The following UBE2E2 variants were observed in gnomAD, a reference collection of about 807,000 sequenced individuals.
UBE2E2 encodes ubiquitin conjugating enzyme E2 E2, also known as ubiquitin-conjugating enzyme E2 E2.
UBE2E2 carries 6 observed loss-of-function variants against 24.7 expected under a neutral mutation model. The observed-to-expected ratio is 0.24, with a 90% CI of 0.13 to 0.48. The LOEUF is 0.48. UBE2E2 is among the 20% of genes least tolerant of loss of function. UBE2E2 has a pLI of 0.99. For synonymous variants in UBE2E2, 104 were observed against 83.6 expected, an observed-to-expected ratio of 1.24 and a Z score of -1.33; for missense variants, 169 against 245.0, an observed-to-expected ratio of 0.69 and a Z score of 2.07.
Position 23,524,118 on chromosome 3 carries a change from T to C in UBE2E2, c.361-8436T>C, listed in dbSNP as rs568525881. 2.6e-5 allele frequency among the ~76,000 whole-genome samples: 4 copies of C among 152,328 alleles called. No individual in the cohort carries two copies. In the East Asian group the frequency reaches 7.7e-4, roughly 29 times the overall value. On this transcript the variant is annotated intron_variant, in intron 4 of 5. Transcript: ENST00000396703. ...TCATTGAAAAATTATTTTAAATTGT[T>C]ATTTTGAATGTTATTATCAGAATTA...
At chr3:23,248,961 T>C (rs1697496672) in intron 3 of UBE2E2, among the ~76,000 whole-genome samples, 1 of 152,214 alleles carries the variant, frequency 6.6e-6, no homozygotes, top group Admixed American at 6.5e-5. Flanking sequence ...AATTTTTGCC[T>C]TTTGCAACTA....
chr3:23,571,088 G>A (rs932872052), intron 5 of UBE2E2, among the ~76,000 whole-genome samples: 4 of 151,878 alleles, frequency 2.6e-5, no homozygotes, highest in Non-Finnish European at 5.9e-5. Context: ...TAAGAGCATA[G>A]AGGGTAATAG....
At position 23,407,639 on chromosome 3, in the gene UBE2E2, A is replaced by G. The variant is rs778464; in HGVS notation, c.228-91969A>G. Among the ~76,000 whole-genome samples the G allele has an allele frequency of 0.63, 90,599 of 144,004 alleles. 27,858 individuals are homozygous for G. Among genetic ancestry groups the G allele is most frequent in the African/African-American group, 0.75 (28,199 of 37,590 alleles). The allele number at this position is 144,004 out of a possible 152,430, so 94.5% of individuals were successfully genotyped here. A position where few individuals can be genotyped will look rare whatever the true frequency, so the allele number is the denominator to read the frequency against. On this transcript the variant is annotated intron_variant, in intron 3 of 5. Transcript: ENST00000396703. This position sits in a 1 kb window ranked among gnomAD's most constrained non-coding sequence, Gnocchi z 4.0. The stretch of plus-strand genomic sequence containing the variant: ...TGCATGTGTGTGTGTTTGTGTGTGC[A>G]TGCGTGCATGTGTGTGTGTGTGTGT...
chr3:23,522,385 GC>G (rs1439579097), intron 4 of UBE2E2, among the ~76,000 whole-genome samples: 1 of 152,152 alleles, frequency 6.6e-6, no homozygotes, highest in East Asian at 1.9e-4. Context: ...GCCCGCCTCG[GC>G]CTTCCAAAGT....
At chr3:23,224,156 G>GTTTTTTTT (rs531661466) in intron 3 of UBE2E2, among the ~76,000 whole-genome samples, 5 of 93,718 alleles carry the variant, frequency 5.3e-5, no homozygotes, top group Admixed American at 1.4e-4. Context: ...TAAATTTTAG[G>GTTTTTTTT]TTTTTTTTTT....
chr3:23,352,354 C>G (rs13319402), intron 3 of UBE2E2, among the ~76,000 whole-genome samples: 40,117 of 151,678 alleles, frequency 0.26, 5,443 homozygotes, highest in East Asian at 0.3. Flanking sequence ...ACATTCAAAA[C>G]CTAGCAGAAG....
In UBE2E2 at chr3:23,380,137, TA is replaced by T. The variant is rs546553897; in HGVS notation, c.228-119463del. On this transcript the variant is annotated intron_variant, in intron 3 of 5. Coordinates refer to ENST00000396703, the MANE Select transcript of UBE2E2 (RefSeq NM_152653.4). ...ATTGCGAACTTCTCTATTGGAAATT[TA>T]AAAAAAATCATTTTGTTGAAATTGC... Among the ~76,000 whole-genome samples, 1,257 of 150,438 alleles carry T rather than the reference TA, an allele frequency of 8.4e-3. 16 individuals are homozygous for T. The highest frequency in any genetic ancestry group is 0.028 in the African/African-American group (1,151 of 41,002).
At chr3:23,380,504 G>A (rs1046397780) in intron 3 of UBE2E2, among the ~76,000 whole-genome samples, 2 of 152,164 alleles carry the variant, frequency 1.3e-5, no homozygotes, top group African/African-American at 2.4e-5. Flanking sequence ...GATTATAGAC[G>A]TGAGCCACCG....
chr3:23,472,653 CT>C (rs572862770), intron 3 of UBE2E2, among the ~76,000 whole-genome samples: 447 of 143,296 alleles, frequency 3.1e-3, no homozygotes, highest in Admixed American at 3.7e-3. Flanking sequence ...ATCTGTAACA[CT>C]TTTTTTTTTT....
At chr3:23,217,501 T>C (rs544753451) in intron 3 of UBE2E2, among the ~76,000 whole-genome samples, 189 bp downstream of exon 3, 2 of 152,236 alleles carry the variant, frequency 1.3e-5, no homozygotes, top group Admixed American at 1.3e-4. Context: ...TCAGCAAGTA[T>C]GTTTGTAGTG....
At chr3:23,470,983 A>G (rs567442308) in intron 3 of UBE2E2, among the ~76,000 whole-genome samples, 1 of 152,272 alleles carries the variant, frequency 6.6e-6, no homozygotes, top group South Asian at 2.1e-4. Context: ...CTTTCTTCAC[A>G]CAAAAATATT....
In UBE2E2 at chr3:23,297,946, A is replaced by G. The variant is rs1174687493; in HGVS notation, c.227+80634A>G. Among the ~76,000 whole-genome samples the G allele has an allele frequency of 2.6e-5, 4 of 151,666 alleles. No individual in the cohort carries two copies. In the East Asian group the frequency reaches 7.8e-4, roughly 29 times the overall value. On this transcript the variant is annotated intron_variant, in intron 3 of 5. Transcript: ENST00000396703. ...ATGGAATGTTCTTCCATTTCTTTGT[A>G]TCCTCTTTTATTTCCTTGAGCAGTG...
At chr3:23,476,219 T>A (rs989641995) in intron 3 of UBE2E2, among the ~76,000 whole-genome samples, 1 of 152,026 alleles carries the variant, frequency 6.6e-6, no homozygotes, top group East Asian at 1.9e-4. Context: ...TGTCTCTGAG[T>A]GTTTGTGGCC....
intron 2 of UBE2E2, among the ~76,000 whole-genome samples, chr3:23,209,881 G>A (rs923996): frequency 0.23 from 35,358 of 151,956 alleles, 4,448 homozygotes; most frequent in Non-Finnish European, 0.29. Flanking sequence ...TTTCCCTTTC[G>A]TGGGGGTGTA....
intron 3 of UBE2E2, among the ~76,000 whole-genome samples, chr3:23,273,106 C>T (rs1201551069): frequency 6.6e-6 from 1 of 152,206 alleles, no homozygotes; most frequent in African/African-American, 2.4e-5. Context: ...TGTCTGGACA[C>T]TTTGTGCCCC....
At chr3:23,480,627 C>T (rs1379145630) in intron 3 of UBE2E2, among the ~76,000 whole-genome samples, 3 of 113,818 alleles carry the variant, frequency 2.6e-5, no homozygotes, top group Non-Finnish European at 5.4e-5. Flanking sequence ...GACCTTGTCT[C>T]AGGAAAAAAA....
chr3:23,480,457 G>T (rs1362469818), intron 3 of UBE2E2, among the ~76,000 whole-genome samples: 1 of 152,130 alleles, frequency 6.6e-6, no homozygotes, highest in Admixed American at 6.5e-5. Flanking sequence ...AGCAGCACAG[G>T]GCTCCTGCCC....
chr3:23,411,055 A>G (rs749883425), intron 3 of UBE2E2, among the ~76,000 whole-genome samples: 69 of 152,332 alleles, frequency 4.5e-4, no homozygotes, highest in Non-Finnish European at 7.4e-4. Context: ...GCAGAATACT[A>G]TAATGTGCTC....
chr3:23,434,407 A>G (rs920119483), intron 3 of UBE2E2, among the ~76,000 whole-genome samples: 1 of 152,122 alleles, frequency 6.6e-6, no homozygotes, highest in Non-Finnish European at 1.5e-5. Context: ...CCCAAATGAC[A>G]CAATTGTGCA....
Sources: gnomAD v4.1 joint callset for allele counts (sites outside exome capture counted in the v4.1 genomes callset) on GRCh38, gnomAD v4.1.1 for gene constraint, Gnocchi (gnomAD v3.1) non-coding constraint, MANE v1.5 for transcripts, NCBI Gene and HGNC (gene_info 2026-07-23, HGNC 2026-07-21) for gene names.